The following LASP1 variants were observed in gnomAD, a reference collection of about 807,000 sequenced individuals.
LASP1 encodes LIM and SH3 protein 1, also known as LIM and SH3 domain protein 1.
A neutral mutation model predicts 38.6 loss-of-function variants in LASP1; 10 were observed. That is an observed-to-expected ratio of 0.26 (90% CI 0.16 to 0.44). LASP1 has a LOEUF of 0.44. Ranked by LOEUF, LASP1 falls within the 20% of genes least tolerant of loss-of-function variation. The pLI is 1.00. For missense variants in LASP1, 243 were observed against 375.7 expected (o/e 0.65, Z 2.92); for synonymous variants, 132 against 140.8 (o/e 0.94, Z 0.44).
chr17:38,904,775 G>C (rs745676846), intron 4 of LASP1, among the ~76,000 whole-genome samples: 1 of 152,072 alleles, frequency 6.6e-6, no homozygotes, highest in Non-Finnish European at 1.5e-5. Context: ...GAAATAATGA[G>C]CATTTTATAC....
intron 4 of LASP1, among the ~76,000 whole-genome samples, chr17:38,906,385 T>G (rs1364161621): frequency 6.6e-6 from 1 of 151,276 alleles, no homozygotes; most frequent in East Asian, 2.0e-4. Context: ...AAAAAATAGC[T>G]GGGCATGGTG....
At position 38,921,666 on chromosome 17, in the gene LASP1, G is replaced by A. The variant is rs1397652124; in HGVS notation, c.*2888G>A. ...TCCCCTCCCTCGTGGGCTTGTGCTC[G>A]GGATCAAACCTTTCTGGCCTGTTAT... is the stretch of plus-strand genomic sequence containing the variant. On this transcript the variant is annotated 3_prime_UTR_variant, in exon 7 of 7. Coordinates refer to ENST00000318008, the MANE Select transcript of LASP1 (RefSeq NM_006148.4). The A allele has an allele frequency of 3.9e-5, 9 of 231,680 alleles. No individual in the cohort carries two copies. Among genetic ancestry groups the A allele is most frequent in the Middle Eastern group, 1.2e-3 (1 of 804 alleles). 14.4% of individuals were successfully genotyped at this position (231,680 alleles called of 1,614,324 possible). A position where few individuals can be genotyped will look rare whatever the true frequency, so the allele number is the denominator to read the frequency against.
chr17:38,917,026 G>A (rs949913339), intron 6 of LASP1, among the ~76,000 whole-genome samples: 2 of 152,152 alleles, frequency 1.3e-5, no homozygotes, highest in Non-Finnish European at 2.9e-5. Flanking sequence ...AGTGGGAGAG[G>A]GTGGGAGGTC....
intron 1 of LASP1, among the ~76,000 whole-genome samples, 185 bp from the exon 2 acceptor site, chr17:38,877,901 G>A (rs1453260403): frequency 6.6e-6 from 1 of 152,156 alleles, no homozygotes; most frequent in Non-Finnish European, 1.5e-5. Context: ...GAAGGAGAGA[G>A]GGGAGGGGAG....
chr17:38,909,901 C>T (rs542056553), intron 4 of LASP1, among the ~76,000 whole-genome samples: 3 of 152,234 alleles, frequency 2.0e-5, no homozygotes, highest in Admixed American at 1.3e-4. Flanking sequence ...GTGCCCACCA[C>T]CATGCCTGAT....
intron 3 of LASP1, among the ~76,000 whole-genome samples, chr17:38,898,000 A>G (rs12952054): frequency 0.38 from 57,601 of 152,070 alleles, 11,544 homozygotes; most frequent in Middle Eastern, 0.51. Flanking sequence ...TGAAGGGTCA[A>G]GAGTCAGGCA....
Position 38,914,417 on chromosome 17 carries a change from C to T in LASP1, c.450C>T (p.Ser150=), listed in dbSNP as rs1567705706. 1 of 1,611,612 alleles carries T rather than the reference C, an allele frequency of 6.2e-7. No homozygotes were observed. Among genetic ancestry groups the T allele is most frequent in the Non-Finnish European group, 8.5e-7 (1 of 1,179,884 alleles). ...EPERRDSQDG[S]SYRRPLEQQQ... ...AGCGTCGGGATTCACAGGACGGCAG[C>T]AGCTACCGGCGGCCCCTGGAGCAGC... is the stretch of plus-strand genomic sequence containing the variant. The change falls in exon 5 of 7, where the codon AGC becomes AGT. Residue 150 remains serine (S), a synonymous_variant. Coordinates refer to ENST00000318008, the MANE Select transcript of LASP1 (RefSeq NM_006148.4).
intron 4 of LASP1, among the ~76,000 whole-genome samples, chr17:38,902,046 C>T (rs1040369354): frequency 5.3e-5 from 8 of 150,824 alleles, no homozygotes; most frequent in East Asian, 2.0e-4. Context: ...GGATTACAGG[C>T]GTGAGACACC....
At chr17:38,911,639 G>A (rs1254422736) in intron 4 of LASP1, among the ~76,000 whole-genome samples, 4 of 152,190 alleles carry the variant, frequency 2.6e-5, no homozygotes, top group African/African-American at 4.8e-5. Context: ...CATGGGCCCC[G>A]TGTCTGGGAG....
intron 1 of LASP1, among the ~76,000 whole-genome samples, chr17:38,875,056 CGTGTGTGTGT>C (rs3220064): frequency 7.1e-6 from 1 of 140,360 alleles, no homozygotes; most frequent in Non-Finnish European, 1.5e-5. Context: ...TGTAGCCCTT[CGTGTGTGTGT>C]GTGTGTGTGT....
chr17:38,918,065 G>A lies in LASP1; in HGVS notation c.613-540G>A, dbSNP rs186067460. 7.9e-5 allele frequency among the ~76,000 whole-genome samples: 12 copies of A among 151,608 alleles called. No individual in the cohort carries two copies. Among genetic ancestry groups the A allele is most frequent in the East Asian group, 7.8e-4 (4 of 5,124 alleles). The stretch of plus-strand genomic sequence containing the variant: ...TGAGGCAGGAGAATCGCTTGAACCC[G>A]GGAGGCGGATGTTGCAGTGAGCCAA... On this transcript the variant is annotated intron_variant, in intron 6 of 6. Transcript: ENST00000318008. The surrounding 1 kb of genome is among the most constrained non-coding windows in gnomAD (Gnocchi z 4.4).
At position 38,890,414 on chromosome 17, in the gene LASP1, C is replaced by G; in HGVS notation, c.165-6C>G. On this transcript the variant is annotated splice_polypyrimidine_tract_variant and splice_region_variant and intron_variant, in intron 2 of 6. Coordinates refer to ENST00000318008, the MANE Select transcript of LASP1 (RefSeq NM_006148.4). ...TCACCCCCACTCTGTTTTTTCTGTCCTGCAGACACTACCCCAAGCAGTCCT... is the reference window on the plus strand; with the variant it reads ...TCACCCCCACTCTGTTTTTTCTGTCGTGCAGACACTACCCCAAGCAGTCCT... 1 of 1,613,922 alleles carries G rather than the reference C, an allele frequency of 6.2e-7. No individual in the cohort carries two copies.
At chr17:38,873,806 CT>C (rs1221903070) in intron 1 of LASP1, 1 of 152,262 alleles carries the variant, frequency 6.6e-6, no homozygotes, top group Non-Finnish European at 1.5e-5. Flanking sequence ...AACTGTAACC[CT>C]GGGCAACAGG....
chr17:38,897,523 A>T (rs1419659227), intron 3 of LASP1, among the ~76,000 whole-genome samples: 1 of 152,222 alleles, frequency 6.6e-6, no homozygotes, highest in African/African-American at 2.4e-5. Flanking sequence ...TCTCAGCCTC[A>T]TTCTGTTCTT....
chr17:38,883,740 T>C (rs1914018191), intron 2 of LASP1, among the ~76,000 whole-genome samples: 1 of 21,854 alleles, frequency 4.6e-5, no homozygotes, highest in Non-Finnish European at 1.3e-4. Flanking sequence ...AGGGGCAGGC[T>C]TTTTTTTTTT....
intron 4 of LASP1, 106 bp from the exon 5 acceptor site, chr17:38,914,219 C>G (rs1186299307): frequency 7.3e-7 from 1 of 1,365,142 alleles, no homozygotes; most frequent in Non-Finnish European, 1.0e-6. Context: ...CTTTCTGTAC[C>G]CAAAGCTCTT....
At chr17:38,903,182 G>C (rs1206094343) in intron 4 of LASP1, among the ~76,000 whole-genome samples, 2 of 152,154 alleles carry the variant, frequency 1.3e-5, no homozygotes, top group Non-Finnish European at 2.9e-5. Context: ...TTGCTAAGTG[G>C]TGAGACAGTG....
chr17:38,891,241 G>A (rs777382443), intron 3 of LASP1, among the ~76,000 whole-genome samples: 6 of 152,108 alleles, frequency 3.9e-5, no homozygotes, highest in Admixed American at 1.3e-4. Flanking sequence ...AGGATTAGGC[G>A]CGAGAATACA....
At chr17:38,881,409 T>C (rs562024159) in intron 2 of LASP1, among the ~76,000 whole-genome samples, 1 of 152,186 alleles carries the variant, frequency 6.6e-6, no homozygotes, top group Non-Finnish European at 1.5e-5. Flanking sequence ...CCCTAGTAGC[T>C]GGGACCACAG....
Sources: allele counts gnomAD v4.1 joint callset (sites outside exome capture counted in the v4.1 genomes callset), GRCh38; gene constraint gnomAD v4.1.1; non-coding constraint Gnocchi (gnomAD v3.1); transcripts MANE v1.5; gene names NCBI Gene and HGNC (gene_info 2026-07-23, HGNC 2026-07-21).